NCKAP5: variants seen among roughly 807,000 people sequenced by gnomAD.
NCKAP5 encodes the protein NCK associated protein 5.
In NCKAP5, 92 loss-of-function variants were observed where a neutral mutation model predicts 167.0. The ratio of observed to expected loss-of-function variants is 0.55; its 90% CI spans 0.47 to 0.66. The LOEUF is 0.66. Among genes scored for constraint, NCKAP5 ranks in the 30% least tolerant of loss-of-function variants. The pLI is 0.00. For synonymous variants in NCKAP5, 891 were observed against 877.4 expected (o/e 1.02, Z -0.27); for missense variants, 2,378 against 2,315.0 (o/e 1.03, Z -0.56).
chr2:133,335,466 CAG>C (rs1377055939), intron 3 of NCKAP5, among the ~76,000 whole-genome samples: 3 of 152,220 alleles, frequency 2.0e-5, no homozygotes, highest in East Asian at 3.9e-4. Flanking sequence ...CATTCATGTA[CAG>C]AGAGAGGTAG....
rs150637778 is a variant in NCKAP5 at position 132,759,114 on chromosome 2, T to A, written c.5128+14702A>T. Among the ~76,000 whole-genome samples, 948 of 152,260 alleles carry A rather than the reference T, an allele frequency of 6.2e-3. 11 individuals carry two copies. Among genetic ancestry groups the A allele is most frequent in the African/African-American group, 0.022 (901 of 41,544 alleles). On this transcript the variant is annotated intron_variant, in intron 16 of 19. Transcript: ENST00000409261. ...TCATCCTGTAAGTGTTCTGCTACAA[T>A]TGGCTTTTTTTTTTCCAATCAACAT...
At chr2:133,045,934 C>T (rs567130226) in intron 6 of NCKAP5, among the ~76,000 whole-genome samples, 4 of 152,240 alleles carry the variant, frequency 2.6e-5, no homozygotes, top group African/African-American at 9.6e-5. Flanking sequence ...TACTGGATGC[C>T]ATGACAGTTG....
chr2:132,711,581 C>T (rs1011495340), intron 19 of NCKAP5, among the ~76,000 whole-genome samples: 2 of 152,160 alleles, frequency 1.3e-5, no homozygotes, highest in African/African-American at 4.8e-5. Flanking sequence ...TTCACCTTCT[C>T]ATCAAATACT....
At chr2:133,615,715 C>A in the NCKAP5 span, among the ~76,000 whole-genome samples, 3 of 152,124 alleles carry the variant, frequency 2.0e-5, no homozygotes, top group Non-Finnish European at 2.9e-5. Flanking sequence ...GACTTTAACA[C>A]CCCACTGTCA....
chr2:133,308,760 C>G (rs1054030225), intron 3 of NCKAP5, among the ~76,000 whole-genome samples: 4 of 121,116 alleles, frequency 3.3e-5, no homozygotes, highest in African/African-American at 9.6e-5. Flanking sequence ...GGACTGCGGA[C>G]TGCAGTGGCG....
At chr2:133,383,311 C>A (rs536235175) in intron 3 of NCKAP5, among the ~76,000 whole-genome samples, 48 of 152,224 alleles carry the variant, frequency 3.2e-4, no homozygotes, top group Non-Finnish European at 6.6e-4. Context: ...TGACAACATG[C>A]GGTGTTTGGT....
intron 19 of NCKAP5, among the ~76,000 whole-genome samples, chr2:132,681,370 T>G (rs1213670428): frequency 2.6e-5 from 4 of 151,762 alleles, no homozygotes; most frequent in Admixed American, 6.6e-5. Context: ...AACTACCCTT[T>G]GCATCGTTTT....
intron 19 of NCKAP5, among the ~76,000 whole-genome samples, chr2:132,705,273 A>T (rs943668364): frequency 3.9e-5 from 6 of 152,016 alleles, no homozygotes; most frequent in African/African-American, 1.4e-4. Flanking sequence ...TCCTTAAAAA[A>T]AACCCTCTCC....
At chr2:133,228,365 CA>C (rs2086991160) in intron 4 of NCKAP5, among the ~76,000 whole-genome samples, 1 of 152,146 alleles carries the variant, frequency 6.6e-6, no homozygotes, top group African/African-American at 2.4e-5. Context: ...ATAGTTTTTG[CA>C]TCCATTTCAA....
At chr2:133,288,565 A>C (rs931351472) in intron 4 of NCKAP5, among the ~76,000 whole-genome samples, 1 of 151,718 alleles carries the variant, frequency 6.6e-6, no homozygotes, top group Non-Finnish European at 1.5e-5. Context: ...ATATTGTACA[A>C]TTAACTTTTT....
the NCKAP5 span, among the ~76,000 whole-genome samples, chr2:133,619,939 G>T: frequency 6.6e-6 from 1 of 152,030 alleles, no homozygotes; most frequent in South Asian, 2.1e-4. Flanking sequence ...AAGGGATTGG[G>T]GTCCTACTTT....
At chr2:132,948,229 G>A (rs1262203550) in intron 8 of NCKAP5, among the ~76,000 whole-genome samples, 2 of 152,132 alleles carry the variant, frequency 1.3e-5, no homozygotes, top group Admixed American at 6.6e-5. Flanking sequence ...GTACAAGCGG[G>A]GCTTCAAGGG....
chr2:133,113,149 T>C (rs2081968963), intron 6 of NCKAP5, among the ~76,000 whole-genome samples: 1 of 152,046 alleles, frequency 6.6e-6, no homozygotes, highest in African/African-American at 2.4e-5. Context: ...TGACCCTACC[T>C]TGGGTGGTGC....
the NCKAP5 span, among the ~76,000 whole-genome samples, chr2:133,598,991 A>C: frequency 6.6e-6 from 1 of 152,046 alleles, no homozygotes; most frequent in Non-Finnish European, 1.5e-5. Flanking sequence ...CTGACATCAC[A>C]TGGCATTCTC....
the NCKAP5 span, among the ~76,000 whole-genome samples, chr2:133,604,224 G>A: frequency 6.6e-6 from 1 of 152,056 alleles, no homozygotes; most frequent in African/African-American, 2.4e-5. Flanking sequence ...TTTGTTTTTA[G>A]AGACAGAATC....
intron 4 of NCKAP5, among the ~76,000 whole-genome samples, chr2:133,257,145 T>C (rs2088658074): frequency 6.6e-6 from 1 of 152,134 alleles, no homozygotes; most frequent in African/African-American, 2.4e-5. Context: ...GTAGCACAAG[T>C]TAATTTAATA....
At chr2:132,991,886 C>T (rs2077458808) in intron 7 of NCKAP5, among the ~76,000 whole-genome samples, 1 of 152,180 alleles carries the variant, frequency 6.6e-6, no homozygotes, top group Non-Finnish European at 1.5e-5. Flanking sequence ...CTAGTATCAC[C>T]ACGCATACAT....
At chr2:132,929,453 T>TA (rs146250345) in intron 8 of NCKAP5, among the ~76,000 whole-genome samples, 1 of 152,154 alleles carries the variant, frequency 6.6e-6, no homozygotes, top group East Asian at 1.9e-4. Context: ...AATAAAAGGT[T>TA]AAAAAACCCT....
At chr2:132,944,217 A>C (rs1472012714) in intron 8 of NCKAP5, among the ~76,000 whole-genome samples, 1 of 152,218 alleles carries the variant, frequency 6.6e-6, no homozygotes, top group Non-Finnish European at 1.5e-5. Flanking sequence ...ACAAGTTGTC[A>C]GGGAAAGAGG....
Sources: allele counts gnomAD v4.1 joint callset (sites outside exome capture counted in the v4.1 genomes callset), GRCh38; gene constraint gnomAD v4.1.1; transcripts MANE v1.5; gene names NCBI Gene and HGNC (gene_info 2026-07-23, HGNC 2026-07-21).